The following FLII variants were observed in gnomAD, a reference collection of about 807,000 sequenced individuals.
The protein encoded by FLII is FLII actin remodeling protein.
A neutral mutation model predicts 156.2 loss-of-function variants in FLII; 101 were observed. The observed-to-expected ratio is 0.65, with a 90% confidence interval of 0.55 to 0.76. The LOEUF is 0.76. Among genes scored for constraint, FLII ranks in the 30% least tolerant of loss-of-function variants. The probability of loss-of-function intolerance (pLI) is 0.00; values close to 1 mark genes in which losing one functional copy is unlikely to be tolerated. For synonymous variants in FLII, 767 were observed against 685.8 expected, an observed-to-expected ratio of 1.12 and a Z score of -1.85; for missense variants, 1,675 against 1,682.8, an observed-to-expected ratio of 1.00 and a Z score of 0.08.
At position 18,251,810 on chromosome 17, in the gene FLII, C is replaced by T; in HGVS notation, c.1253G>A (p.Ser418Asn). 5 of 1,613,758 alleles carry T rather than the reference C, an allele frequency of 3.1e-6. No homozygotes were observed. The highest frequency in any genetic ancestry group is 4.2e-6 in the Non-Finnish European group (5 of 1,180,026). Residue 418 changes from serine (S) to asparagine (N), a missense_variant, in exon 12 of 30, where the codon AGT (serine) becomes AAT (asparagine). Ser to Asn is a conservative substitution (Grantham distance 46). Transcript: ENST00000327031. ...GCGAGCCATAGGGTCCTTGGGCCCA[C>T]TCCCTGCTTAGGGGAGGGGCAAACA... is the stretch of plus-strand genomic sequence containing the variant. ...ATVAAAAAAGSGPKDPMARKM... is the reference protein window; with the variant it reads ...ATVAAAAAAGNGPKDPMARKM...
rs536514821 is a variant in FLII at position 18,249,070 on chromosome 17, A to C, written c.1934+57T>G. On this transcript the variant is annotated intron_variant, in intron 16 of 29. Coordinates refer to ENST00000327031, the MANE Select transcript of FLII (RefSeq NM_002018.4). ...TTCTAAGAGGCCCACACCTGCCCCC[A>C]CTGGTGGGGAGGAGGCTGAGGATGA... 3.9e-5 allele frequency: 59 copies of C among 1,519,674 alleles called. No homozygotes were observed. The African/African-American group carries it at 6.7e-4, about 17-fold the overall frequency. 94.1% of individuals were successfully genotyped at this position (1,519,674 alleles called of 1,614,324 possible).
rs763092660 is a variant in FLII at position 18,245,846 on chromosome 17, A to T, written c.3401T>A (p.Ile1134Asn). 2 of 1,613,706 alleles carry T rather than the reference A, an allele frequency of 1.2e-6. No homozygotes were observed. Among genetic ancestry groups the T allele is most frequent in the East Asian group, 4.5e-5 (2 of 44,830 alleles). The change falls in exon 27 of 30, where the codon ATC (isoleucine) becomes AAC (asparagine). Residue 1134 changes from isoleucine to asparagine, a missense_variant. Transcript: ENST00000327031. ...GTTCTCAGGCTCCTCACCTTCGTTG[A>T]TAACCTGCGGGAAAGGCCAGTCCAG... ...MFDTSYSKQVINEGEEPENFF... is the reference protein window; with the variant it reads ...MFDTSYSKQVNNEGEEPENFF...
At chr17:18,253,813 G>A (rs1475920986) in intron 7 of FLII, 94 bp from the exon 8 acceptor site, 1 of 1,278,390 alleles carries the variant, frequency 7.8e-7, no homozygotes, top group African/African-American at 1.5e-5. Context: ...CCACCTCTGA[G>A]CTGTGTGGCT....
At position 18,252,531 on chromosome 17, in the gene FLII, G is replaced by A. The variant is rs749728835; in HGVS notation, c.1039C>T (p.Leu347=). Residue 347 remains leucine, a synonymous_variant, in exon 10 of 30, where the codon CTG becomes TTG. Transcript: ENST00000327031. ...AGGGTCACCAGGTGGTTCTTGTTCAGGACAAGTTTCCTCAGCTTTGGGCAC... is the reference window on the plus strand; with the variant it reads ...AGGGTCACCAGGTGGTTCTTGTTCAAGACAAGTTTCCTCAGCTTTGGGCAC... ...CRCPKLRKLV[L]NKNHLVTLPE... is the part of the protein sequence containing the mutation. 6.2e-7 allele frequency: 1 copy of A among 1,613,710 alleles called. No individual in the cohort carries two copies. Among genetic ancestry groups the A allele is most frequent in the Non-Finnish European group, 8.5e-7 (1 of 1,180,002 alleles).
rs773137481 is a variant in FLII, at chr17:18,251,450, C to T, written c.1411G>A (p.Gly471Arg). 16 of 1,608,654 alleles carry T rather than the reference C, an allele frequency of 9.9e-6. No individual in the cohort carries two copies. The highest frequency in any genetic ancestry group is 3.3e-4 in the Middle Eastern group (2 of 6,064). The change falls in exon 13 of 30, where the codon GGG becomes AGG. Residue 471 changes from glycine to arginine, a missense_variant. Gly to Arg is a moderately radical substitution (Grantham distance 125, BLOSUM62 -2). This residue lies in a region of FLII where 1,332 missense variants were observed against 1,269.3 expected (regional missense o/e 1.05). Transcript: ENST00000327031. ...CCCTGGTCCCAACGCCGCACCTTCCCGCTGGGGGCCCGGGCATCTGCGCTC... is the reference window on the plus strand; with the variant it reads ...CCCTGGTCCCAACGCCGCACCTTCCTGCTGGGGGCCCGGGCATCTGCGCTC... ...EESADARAPS[G>R]KVRRWDQGLE...
chr17:18,256,765 G>T, intron 2 of FLII, 144 bp downstream of exon 2: 1 of 781,340 alleles, frequency 1.3e-6, no homozygotes, highest in Non-Finnish European at 2.1e-6. Flanking sequence ...CACCTCCCTG[G>T]ACAGGGTGCC....
Position 18,249,141 on chromosome 17 carries a change from G to A in FLII, c.1920C>T (p.Thr640=). The part of the protein sequence containing the change: ...IKLEPVPLKG[T]SLDPRFVFLL... ...TTGGGGCTCACCTTGGGTCCAGAGA[G>A]GTCCCCTTGAGGGGCACAGGCTCCA... is the stretch of plus-strand genomic sequence containing the variant. Residue 640 remains threonine, a synonymous_variant, in exon 16 of 30, where the codon ACC becomes ACT. Transcript: ENST00000327031. 2 of 1,614,010 alleles carry A rather than the reference G, an allele frequency of 1.2e-6. No individual in the cohort carries two copies. The highest frequency in any genetic ancestry group is 2.2e-5 in the East Asian group (1 of 44,878).
At position 18,247,365 on chromosome 17, in the gene FLII, G is replaced by A. The variant is rs564612939; in HGVS notation, c.2488-8C>T. The A allele has an allele frequency of 6.3e-7, 1 of 1,595,802 alleles. No individual in the cohort carries two copies. Among genetic ancestry groups the A allele is most frequent in the South Asian group, 1.1e-5 (1 of 89,712 alleles). On this transcript the variant is annotated splice_polypyrimidine_tract_variant and splice_region_variant and intron_variant, in intron 20 of 29. Coordinates refer to ENST00000327031, the MANE Select transcript of FLII (RefSeq NM_002018.4). ...GAACTTGGCCTTGAACACCTGCCAGGGAGGCCATCAACTAACCATGAGGGG... is the reference window on the plus strand; with the variant it reads ...GAACTTGGCCTTGAACACCTGCCAGAGAGGCCATCAACTAACCATGAGGGG...
At position 18,246,789 on chromosome 17, in the gene FLII, C is replaced by A; in HGVS notation, c.2856G>T (p.Lys952Asn). 4 of 1,614,104 alleles carry A rather than the reference C, an allele frequency of 2.5e-6. No individual in the cohort carries two copies. Among genetic ancestry groups the A allele is most frequent in the Non-Finnish European group, 2.5e-6 (3 of 1,179,988 alleles). The stretch of plus-strand genomic sequence containing the variant: ...CCTCGGCCTTCTCCTCCTTGTCTTC[C>A]TTCTTTTCCTCCTCCTCGTACTCCA... Reference protein sequence around the residue: ...VPVEYEEEEKKEDKEEKAEGK... With the variant: ...VPVEYEEEEKNEDKEEKAEGK... The change falls in exon 23 of 30, where the codon AAG becomes AAT. Residue 952 changes from lysine (K) to asparagine (N), a missense_variant. Physicochemically the swap from Lys to Asn is moderately conservative, Grantham distance 94. Coordinates refer to ENST00000327031, the MANE Select transcript of FLII (RefSeq NM_002018.4).
chr17:18,249,422 G>A lies in FLII; in HGVS notation c.1777-14C>T, dbSNP rs780223524. 2 of 1,611,136 alleles carry A rather than the reference G, an allele frequency of 1.2e-6. No individual in the cohort carries two copies. The highest frequency in any genetic ancestry group is 2.2e-5 in the South Asian group (2 of 90,976). On this transcript the variant is annotated splice_polypyrimidine_tract_variant and intron_variant, in intron 14 of 29. Transcript: ENST00000327031. Reference sequence around the variant, plus strand: ...GTTGTCAAACACCTGTGTGTGTGAGGGTGTGGTTCTTCATCACTGAGCTGC... The same window carrying A: ...GTTGTCAAACACCTGTGTGTGTGAGAGTGTGGTTCTTCATCACTGAGCTGC...
chr17:18,250,735 G>A, intron 14 of FLII, 103 bp downstream of exon 14: 2 of 1,274,792 alleles, frequency 1.6e-6, no homozygotes, highest in Non-Finnish European at 2.2e-6. Context: ...CCAGCTCCCT[G>A]CCTGCCCACC....
Position 18,253,329 on chromosome 17 carries a change from G to A in FLII, c.985C>T (p.Leu329=). The change falls in exon 9 of 30, where the codon CTG becomes TTG. Residue 329 remains leucine, a synonymous_variant. Transcript: ENST00000327031. The part of the protein sequence containing the change: ...LEEFMAANNN[L]ELVPESLCRC... ...CAGAGACTTTCAGGGACCAGCTCCA[G>A]GTTGTTGTTGGCAGCCATGAACTCT... 6.2e-7 allele frequency: 1 copy of A among 1,613,952 alleles called. No homozygotes were observed. Among genetic ancestry groups the A allele is most frequent in the African/African-American group, 1.3e-5 (1 of 75,070 alleles).
In FLII at chr17:18,247,049, C is replaced by A; in HGVS notation, c.2680G>T (p.Glu894Ter). ...RQPPMSLAEAEQLMEEWNEDL... is the reference protein window; with the variant it reads ...RQPPMSLAEA Reference sequence around the variant, plus strand: ...TCGTTCCACTCCTCCATCAGCTGCTCCGCCTGCAGGTGAGAGGGACCCGCC... The same window carrying A: ...TCGTTCCACTCCTCCATCAGCTGCTACGCCTGCAGGTGAGAGGGACCCGCC... Residue 894 changes from glutamate to a stop codon, truncating the protein, a stop_gained, in exon 22 of 30, where the codon GAG (glutamate) becomes TAG (stop). Transcript: ENST00000327031. LOFTEE classifies it high-confidence loss of function. 6.2e-7 allele frequency: 1 copy of A among 1,613,018 alleles called. No individual in the cohort carries two copies.
rs1443003354 is a variant in FLII, at chr17:18,252,234, C to T, written c.1099-88G>A. 41 of 1,308,024 alleles carry T rather than the reference C, an allele frequency of 3.1e-5. No homozygotes were observed. The Admixed American group carries it at 4.9e-4, about 16-fold the overall frequency. 81.0% of individuals were successfully genotyped at this position (1,308,024 alleles called of 1,614,324 possible). ...CCAGTTTCTTGCTCTTGTCTGCAGC[C>T]GCCAGGGCTGAGAGGTCAGGGAACT... is the stretch of plus-strand genomic sequence containing the variant. On this transcript the variant is annotated intron_variant, in intron 10 of 29. Coordinates refer to ENST00000327031, the MANE Select transcript of FLII (RefSeq NM_002018.4).
chr17:18,247,030 C>T lies in FLII; in HGVS notation c.2699G>A (p.Trp900Ter). Residue 900 changes from tryptophan (W) to a stop codon, truncating the protein, a stop_gained, in exon 22 of 30, where the codon TGG (tryptophan) becomes TAG (stop). Coordinates refer to ENST00000327031, the MANE Select transcript of FLII (RefSeq NM_002018.4). LOFTEE classifies it high-confidence loss of function. ...LAEAEQLMEE[W>*]NEDLDGMEGF... Reference sequence around the variant, plus strand: ...CTCCATGCCGTCTAGGTCTTCGTTCCACTCCTCCATCAGCTGCTCCGCCTG... The same window carrying T: ...CTCCATGCCGTCTAGGTCTTCGTTCTACTCCTCCATCAGCTGCTCCGCCTG... 1 of 1,613,708 alleles carries T rather than the reference C, an allele frequency of 6.2e-7. No homozygotes were observed. Among genetic ancestry groups the T allele is most frequent in the South Asian group, 1.1e-5 (1 of 91,084 alleles).
chr17:18,247,032 C>T lies in FLII; in HGVS notation c.2697G>A (p.Glu899=), dbSNP rs1453911909. 6.2e-7 allele frequency: 1 copy of T among 1,613,662 alleles called. No individual in the cohort carries two copies. The highest frequency in any genetic ancestry group is 1.7e-5 in the Admixed American group (1 of 60,030). Reference sequence around the variant, plus strand: ...CCATGCCGTCTAGGTCTTCGTTCCACTCCTCCATCAGCTGCTCCGCCTGCA... The same window carrying T: ...CCATGCCGTCTAGGTCTTCGTTCCATTCCTCCATCAGCTGCTCCGCCTGCA... ...SLAEAEQLME[E]WNEDLDGMEG... The change falls in exon 22 of 30, where the codon GAG becomes GAA. Residue 899 remains glutamate (E), a synonymous_variant. Coordinates refer to ENST00000327031, the MANE Select transcript of FLII (RefSeq NM_002018.4).
At position 18,258,580 on chromosome 17, in the gene FLII, G is replaced by A. The variant is rs780418883; in HGVS notation, c.63+48C>T. On this transcript the variant is annotated intron_variant, in intron 1 of 29. Coordinates refer to ENST00000327031, the MANE Select transcript of FLII (RefSeq NM_002018.4). This position sits in a 1 kb window ranked among gnomAD's most constrained non-coding sequence, Gnocchi z 4.2. ...AAGCGGAGGCCAAGCGGGCCGGGCG[G>A]AAGAGAAGGCCTGCAGGGAGGCCCG... is the stretch of plus-strand genomic sequence containing the variant. 1 of 1,532,886 alleles carries A rather than the reference G, an allele frequency of 6.5e-7. No individual in the cohort carries two copies. Among genetic ancestry groups the A allele is most frequent in the Non-Finnish European group, 8.7e-7 (1 of 1,147,880 alleles). The allele number at this position is 1,532,886 out of a possible 1,614,324, so 95.0% of individuals were successfully genotyped here. A position where few individuals can be genotyped will look rare whatever the true frequency, so the allele number is the denominator to read the frequency against.
Position 18,253,683 on chromosome 17 carries a change from G to C in FLII, c.716C>G (p.Pro239Arg). The C allele has an allele frequency of 6.2e-7, 1 of 1,613,430 alleles. No individual in the cohort carries two copies. The highest frequency in any genetic ancestry group is 8.5e-7 in the Non-Finnish European group (1 of 1,179,946). The change falls in exon 8 of 30, where the codon CCC becomes CGC. Residue 239 changes from proline to arginine, a missense_variant. By Grantham distance (103) the Pro-to-Arg change is moderately radical (BLOSUM62 -2). This residue lies in a region of FLII where 343 missense variants were observed against 413.5 expected (regional missense o/e 0.83). Coordinates refer to ENST00000327031, the MANE Select transcript of FLII (RefSeq NM_002018.4). The part of the protein sequence containing the change: ...DLSCNDLTRV[P>R]ECLYTLPSLR... ...GCTGGGGAGGGTGTACAGACACTCGGGCACCCGTGTCAGGTCATTGCAGGA... is the reference window on the plus strand; with the variant it reads ...GCTGGGGAGGGTGTACAGACACTCGCGCACCCGTGTCAGGTCATTGCAGGA...
At position 18,247,985 on chromosome 17, in the gene FLII, G is replaced by T. The variant is rs1190018773; in HGVS notation, c.2239C>A (p.Leu747Ile). 6.2e-7 allele frequency: 1 copy of T among 1,614,068 alleles called. No homozygotes were observed. Among genetic ancestry groups the T allele is most frequent in the South Asian group, 1.1e-5 (1 of 91,076 alleles). The change falls in exon 19 of 30, where the codon CTC becomes ATC. Residue 747 changes from leucine to isoleucine, a missense_variant. Physicochemically the swap from Leu to Ile is conservative, Grantham distance 5 (BLOSUM62 2). Coordinates refer to ENST00000327031, the MANE Select transcript of FLII (RefSeq NM_002018.4). ...YLELPQINYK[L>I]SVEHKQRPKV... is the part of the protein sequence containing the mutation. ...GGACGCTGCTTATGTTCCACGGAGA[G>T]CTTGTAGTTGATCTGTGGCAGCTCC...
Sources: allele counts gnomAD v4.1 joint callset, GRCh38; gene constraint gnomAD v4.1.1; regional missense constraint gnomAD v4.1.1; non-coding constraint Gnocchi (gnomAD v3.1); transcripts MANE v1.5; gene names NCBI Gene and HGNC (gene_info 2026-07-23, HGNC 2026-07-21).